Variants in ANKRD50 observed in about 807,000 individuals in gnomAD.
ANKRD50 encodes the protein ankyrin repeat domain-containing protein 50.
Under a neutral mutation model 112.0 loss-of-function variants are expected in ANKRD50, and 40 were observed. That is an observed-to-expected ratio of 0.36 (90% CI 0.28 to 0.46). The LOEUF is 0.46. ANKRD50 is among the 20% of genes least tolerant of loss of function. The probability of loss-of-function intolerance (pLI) is 1.00; values close to 1 mark genes in which losing one functional copy is unlikely to be tolerated. For missense variants in ANKRD50, 1,487 were observed against 1,701.7 expected, an observed-to-expected ratio of 0.87 and a Z score of 2.22; for synonymous variants, 613 against 619.1, an observed-to-expected ratio of 0.99 and a Z score of 0.15.
At position 124,669,689 on chromosome 4, in the gene ANKRD50, T is replaced by C. The variant is rs139202658; in HGVS notation, c.3588A>G (p.Ser1196=). Residue 1196 remains serine, a synonymous_variant, in exon 4 of 5, where the codon TCA becomes TCG. Transcript: ENST00000504087. ...SSKNSSLRTT[S]STATAQTVPI... The stretch of plus-strand genomic sequence containing the variant: ...GCACTGTTTGAGCCGTTGCTGTAGA[T>C]GAAGTAGTTCTCAAAGATGAATTTT... The C allele has an allele frequency of 1.2e-6, 2 of 1,613,060 alleles. No homozygotes were observed. Among genetic ancestry groups the C allele is most frequent in the South Asian group, 1.1e-5 (1 of 90,752 alleles).
In ANKRD50 at chr4:124,710,555, C is replaced by T. The variant is rs112046412; in HGVS notation, c.-44G>A. On this transcript the variant is annotated 5_prime_UTR_variant, in exon 2 of 5. Transcript: ENST00000504087. ...ATTTGCTAGAGTCTGGATACATCAA[C>T]ACAGGTCTTTCCATCCATTATGACA... 2.2e-3 allele frequency: 3,381 copies of T among 1,551,426 alleles called. 68 individuals are homozygous for T. The African/African-American group carries it at 0.038, about 17-fold the overall frequency.
At chr4:124,690,459 CAG>C (rs1018503946) in intron 2 of ANKRD50, among the ~76,000 whole-genome samples, 5 of 152,086 alleles carry the variant, frequency 3.3e-5, no homozygotes, top group Non-Finnish European at 7.4e-5. Flanking sequence ...ATATTTGTAA[CAG>C]ATTTATTTTC....
rs778243931 is a variant in ANKRD50 at position 124,710,310 on chromosome 4, C to T, written c.202G>A (p.Gly68Arg). 1 of 1,614,186 alleles carries T rather than the reference C, an allele frequency of 6.2e-7. No individual in the cohort carries two copies. The highest frequency in any genetic ancestry group is 8.5e-7 in the Non-Finnish European group (1 of 1,180,024). ...ACCAACAACACACCCCAGGCAGCTC[C>T]CTTTCCAGAGACACCACTAGCATTA... Reference protein sequence around the residue: ...GNNASGVSGKGAAWGVLLVGG... With the variant: ...GNNASGVSGKRAAWGVLLVGG... The change falls in exon 2 of 5, where the codon GGA becomes AGA. Residue 68 changes from glycine (G) to arginine (R), a missense_variant. By Grantham distance (125) the Gly-to-Arg change is moderately radical (BLOSUM62 -2). Transcript: ENST00000504087.
intron 2 of ANKRD50, among the ~76,000 whole-genome samples, chr4:124,696,386 A>G (rs1384502690): frequency 6.6e-6 from 1 of 152,154 alleles, no homozygotes; most frequent in African/African-American, 2.4e-5. Flanking sequence ...TGTGGAACAC[A>G]GTTAAAAGGT....
chr4:124,710,233 T>C lies in ANKRD50; in HGVS notation c.279A>G (p.Pro93=). ...CTCTCTGCAAACTTGCAGGTGAACT[T>C]GGCCATAAGAGTTCAGTACATAGGG... ...KTALCTELLW[P]SSPASLQRGL... Residue 93 remains proline, a synonymous_variant, in exon 2 of 5, where the codon CCA becomes CCG. Coordinates refer to ENST00000504087, the MANE Select transcript of ANKRD50 (RefSeq NM_020337.3). The C allele has an allele frequency of 6.2e-7, 1 of 1,614,216 alleles. No homozygotes were observed.
Position 124,678,877 on chromosome 4 carries a change from T to A in ANKRD50, c.541A>T (p.Lys181Ter). Residue 181 changes from lysine to a stop codon, truncating the protein, a stop_gained, in exon 3 of 5, where the codon AAG becomes TAG. Coordinates refer to ENST00000504087, the MANE Select transcript of ANKRD50 (RefSeq NM_020337.3). LOFTEE classifies it high-confidence loss of function. The part of the protein sequence containing the change: ...RCVLLPLLGM[K>*]PPQQSLYLLV... ...AGGTATAGGCTTTGCTGGGGAGGCT[T>A]CATTCCCAGAAGAGGGAGTAGAACA... The A allele has an allele frequency of 6.2e-7, 1 of 1,613,240 alleles. No individual in the cohort carries two copies. The highest frequency in any genetic ancestry group is 8.5e-7 in the Non-Finnish European group (1 of 1,179,280).
intron 2 of ANKRD50, among the ~76,000 whole-genome samples, chr4:124,692,488 T>TA (rs926698477): frequency 6.6e-6 from 1 of 151,596 alleles, no homozygotes; most frequent in Non-Finnish European, 1.5e-5. Flanking sequence ...AAGCTAAATA[T>TA]AAAAAAATCA....
chr4:124,712,186 T>G, intron 1 of ANKRD50, among the ~76,000 whole-genome samples: 1 of 149,166 alleles, frequency 6.7e-6, no homozygotes, highest in Non-Finnish European at 1.5e-5. Context: ...GAGATTGGGG[T>G]GTGTCTTTTG....
At chr4:124,674,728 T>C (rs1578574533) in intron 3 of ANKRD50, among the ~76,000 whole-genome samples, 1 of 151,914 alleles carries the variant, frequency 6.6e-6, no homozygotes, top group Admixed American at 6.6e-5. Context: ...TAAGAAAGTA[T>C]AGAATTTCAT....
intron 3 of ANKRD50, among the ~76,000 whole-genome samples, chr4:124,676,719 G>A (rs561083081): frequency 6.6e-6 from 1 of 151,626 alleles, no homozygotes; most frequent in Non-Finnish European, 1.5e-5. Context: ...ATACATTAGA[G>A]GTTACAAATA....
intron 3 of ANKRD50, among the ~76,000 whole-genome samples, chr4:124,673,013 A>G (rs1027002836): frequency 3.3e-5 from 5 of 152,120 alleles, no homozygotes; most frequent in African/African-American, 1.2e-4. Context: ...GAATATTTAC[A>G]TCCAATTAGA....
chr4:124,696,154 A>G lies in ANKRD50; in HGVS notation c.512+13846T>C, dbSNP rs192050298. Among the ~76,000 whole-genome samples the G allele has an allele frequency of 1.7e-3, 256 of 152,202 alleles. 1 individual carries two copies. Among genetic ancestry groups the G allele is most frequent in the African/African-American group, 6.1e-3 (252 of 41,560 alleles). On this transcript the variant is annotated intron_variant, in intron 2 of 4. Coordinates refer to ENST00000504087, the MANE Select transcript of ANKRD50 (RefSeq NM_020337.3). ...GTAGAGTAGATGGATAAAAATAGAT[A>G]AAGAATTATAATTTTAAAATGTAAC...
intron 2 of ANKRD50, among the ~76,000 whole-genome samples, chr4:124,682,315 T>C (rs1262728447): frequency 2.0e-5 from 2 of 100,512 alleles, no homozygotes. Flanking sequence ...AGAGCAAGAC[T>C]CCGTCTCAAA....
At chr4:124,699,400 G>A (rs1345630298) in intron 2 of ANKRD50, among the ~76,000 whole-genome samples, 1 of 152,058 alleles carries the variant, frequency 6.6e-6, no homozygotes, top group African/African-American at 2.4e-5. Context: ...ATCCTCTGGG[G>A]CCATTAATTT....
rs143996933 is a variant in ANKRD50, at chr4:124,682,679, T to C, written c.513-3774A>G. Among the ~76,000 whole-genome samples the C allele has an allele frequency of 8.5e-4, 130 of 152,278 alleles. 1 individual carries two copies. In the East Asian group the frequency reaches 0.022, roughly 26 times the overall value. On this transcript the variant is annotated intron_variant, in intron 2 of 4. Coordinates refer to ENST00000504087, the MANE Select transcript of ANKRD50 (RefSeq NM_020337.3). ...TTTCTCCAAAATCTACCTTGTCTGA[T>C]ATTAATGTTAGGCACACCACCTTTC...
chr4:124,707,304 T>C (rs1725528623), intron 2 of ANKRD50, among the ~76,000 whole-genome samples: 1 of 152,076 alleles, frequency 6.6e-6, no homozygotes, highest in South Asian at 2.1e-4. Flanking sequence ...ATAAAATACG[T>C]TCCTATTAAA....
At chr4:124,700,209 T>C (rs1162704835) in intron 2 of ANKRD50, among the ~76,000 whole-genome samples, 3 of 152,166 alleles carry the variant, frequency 2.0e-5, no homozygotes, top group Non-Finnish European at 2.9e-5. Context: ...GGCTGGAACA[T>C]GGCTTATTTC....
At chr4:124,707,127 C>G (rs955771004) in intron 2 of ANKRD50, among the ~76,000 whole-genome samples, 1 of 151,828 alleles carries the variant, frequency 6.6e-6, no homozygotes, top group African/African-American at 2.4e-5. Context: ...TTGTCAAAAG[C>G]GAAAAATAAA....
At chr4:124,682,395 A>G (rs1225170687) in intron 2 of ANKRD50, among the ~76,000 whole-genome samples, 4 of 151,432 alleles carry the variant, frequency 2.6e-5, no homozygotes, top group African/African-American at 7.3e-5. Flanking sequence ...TCTGTAATTG[A>G]CAATTAGGTT....
Sources: allele counts gnomAD v4.1 joint callset (sites outside exome capture counted in the v4.1 genomes callset), GRCh38; gene constraint gnomAD v4.1.1; transcripts MANE v1.5; gene names NCBI Gene and HGNC (gene_info 2026-07-23, HGNC 2026-07-21).